DNAJC3: variants seen among roughly 807,000 people sequenced by gnomAD.
DNAJC3 encodes dnaJ homolog subfamily C member 3.
Under a neutral mutation model 68.6 loss-of-function variants are expected in DNAJC3, and 38 were observed. The ratio of observed to expected loss-of-function variants is 0.55; its 90% CI spans 0.43 to 0.73. The LOEUF (loss-of-function observed/expected upper bound fraction) is 0.73. DNAJC3 is among the 30% of genes least tolerant of loss of function. DNAJC3 has a pLI of 0.00. For missense variants in DNAJC3, 526 were observed against 591.9 expected, an observed-to-expected ratio of 0.89 and a Z score of 1.16; for synonymous variants, 203 against 204.0, an observed-to-expected ratio of 1.00 and a Z score of 0.04.
chr13:95,687,302 A>G (rs1283645333), intron 1 of DNAJC3, among the ~76,000 whole-genome samples: 1 of 152,168 alleles, frequency 6.6e-6, no homozygotes, highest in Non-Finnish European at 1.5e-5. Context: ...TAGGTAAAAA[A>G]ATCATATTTG....
rs1390824476 is a variant in DNAJC3 at position 95,791,150 on chromosome 13, G to T, written c.*120G>T. 2 of 1,169,520 alleles carry T rather than the reference G, an allele frequency of 1.7e-6. No individual in the cohort carries two copies. Among genetic ancestry groups the T allele is most frequent in the Non-Finnish European group, 2.4e-6 (2 of 831,696 alleles). 72.4% of individuals were successfully genotyped at this position (1,169,520 alleles called of 1,614,324 possible). On this transcript the variant is annotated 3_prime_UTR_variant, in exon 12 of 12. Transcript: ENST00000602402. ...TCAGTTTGTCCATGACCAAAGAGTT[G>T]CTTTAATAGGAAAAAATCTGTTCTT...
At position 95,677,158 on chromosome 13, in the gene DNAJC3, C is replaced by G. The variant is rs1159200004; in HGVS notation, c.-98C>G. The G allele has an allele frequency of 8.7e-7, 1 of 1,146,036 alleles. No individual in the cohort carries two copies. Among genetic ancestry groups the G allele is most frequent in the East Asian group, 2.8e-5 (1 of 35,146 alleles). 71.0% of individuals were successfully genotyped at this position (1,146,036 alleles called of 1,614,324 possible). ...GGCTCCAGAGCCACTGAGGCCTGAG[C>G]GAGAGCCGACGGCGGGCGGGCGCAG... On this transcript the variant is annotated 5_prime_UTR_variant, in exon 1 of 12. Transcript: ENST00000602402.
intron 1 of DNAJC3, 63 bp downstream of exon 1, chr13:95,677,400 G>T (rs1879787008): frequency 2.0e-6 from 3 of 1,491,440 alleles, no homozygotes; most frequent in South Asian, 1.2e-5. Context: ...GCGCTTTCCC[G>T]TCTGCGCCCG....
intron 9 of DNAJC3, among the ~76,000 whole-genome samples, chr13:95,769,618 G>C (rs557450536): frequency 2.6e-5 from 4 of 152,316 alleles, no homozygotes; most frequent in Admixed American, 2.0e-4. Flanking sequence ...TAGAATAAAT[G>C]GCTAGTCCTT....
chr13:95,754,524 T>C (rs1882591252), intron 4 of DNAJC3, among the ~76,000 whole-genome samples: 2 of 151,908 alleles, frequency 1.3e-5, no homozygotes, highest in African/African-American at 4.8e-5. Flanking sequence ...AAATTCAAAA[T>C]GCATCAAAGA....
chr13:95,753,956 A>G (rs1882570618), intron 4 of DNAJC3, among the ~76,000 whole-genome samples: 1 of 152,208 alleles, frequency 6.6e-6, no homozygotes, highest in Non-Finnish European at 1.5e-5. Context: ...CTGTTTGGAA[A>G]TATTCACAGC....
rs140953059 is a variant in DNAJC3, at chr13:95,783,714, G to A, written c.1076-2225G>A. Among the ~76,000 whole-genome samples the A allele has an allele frequency of 2.5e-3, 375 of 152,280 alleles. 1 individual carries two copies. The highest frequency in any genetic ancestry group is 5.8e-3 in the Admixed American group (88 of 15,304). On this transcript the variant is annotated intron_variant, in intron 9 of 11. Coordinates refer to ENST00000602402, the MANE Select transcript of DNAJC3 (RefSeq NM_006260.5). ...GGTGGTTCGTTTCTGTACGTAGTGT[G>A]TAGCCTGTCAAAATCTGTTAGTCTT...
At chr13:95,726,043 A>G (rs1375665250) in intron 4 of DNAJC3, among the ~76,000 whole-genome samples, 1 of 151,808 alleles carries the variant, frequency 6.6e-6, no homozygotes, top group Non-Finnish European at 1.5e-5. Flanking sequence ...CATGGTGTAT[A>G]TGTGCCACAT....
chr13:95,771,815 G>A (rs548224239), intron 9 of DNAJC3, among the ~76,000 whole-genome samples: 1 of 141,224 alleles, frequency 7.1e-6, no homozygotes, highest in South Asian at 2.2e-4. Context: ...AGGCAACTCT[G>A]TTCTGATTTT....
intron 4 of DNAJC3, among the ~76,000 whole-genome samples, chr13:95,746,901 G>C (rs1882321652): frequency 6.6e-6 from 1 of 152,134 alleles, no homozygotes; most frequent in Non-Finnish European, 1.5e-5. Flanking sequence ...CTGCATAAAA[G>C]TATCTCCTCA....
Position 95,683,476 on chromosome 13 carries a change from C to A in DNAJC3, c.82+6139C>A, listed in dbSNP as rs1019891319. Among the ~76,000 whole-genome samples, 7 of 152,162 alleles carry A rather than the reference C, an allele frequency of 4.6e-5. No homozygotes were observed. In the East Asian group the frequency reaches 1.2e-3, roughly 25 times the overall value. On this transcript the variant is annotated intron_variant, in intron 1 of 11. Transcript: ENST00000602402. ...GGTTGTTTAAAAGTGTGCAGTATCT[C>A]CCCCCTCTCTGTCTTCCTCCGGCTC...
chr13:95,730,957 G>A (rs1316402318), intron 4 of DNAJC3, among the ~76,000 whole-genome samples: 3 of 152,056 alleles, frequency 2.0e-5, no homozygotes, highest in African/African-American at 7.2e-5. Flanking sequence ...CTTACTATTT[G>A]TTTTTGTCTT....
At chr13:95,763,597 G>A in intron 7 of DNAJC3, 46 bp from the exon 8 acceptor site, 1 of 1,580,048 alleles carries the variant, frequency 6.3e-7, no homozygotes, top group Non-Finnish European at 8.7e-7. Context: ...TACAGCTCTG[G>A]AAATCAAATG....
intron 11 of DNAJC3, among the ~76,000 whole-genome samples, chr13:95,787,938 T>G (rs1883653047): frequency 6.6e-6 from 1 of 152,218 alleles, no homozygotes; most frequent in South Asian, 2.1e-4. Context: ...ACTGCTTTTT[T>G]GTGGCCTTCC....
intron 4 of DNAJC3, among the ~76,000 whole-genome samples, chr13:95,742,282 ATGGATG>A (rs1882169778): frequency 6.6e-6 from 1 of 152,162 alleles, no homozygotes; most frequent in South Asian, 2.1e-4. Context: ...ATGGGGCACA[ATGGATG>A]TGGAGATGCA....
At chr13:95,699,822 T>G (rs1880538730) in intron 1 of DNAJC3, among the ~76,000 whole-genome samples, 1 of 150,758 alleles carries the variant, frequency 6.6e-6, no homozygotes, top group African/African-American at 2.5e-5. Flanking sequence ...TTCTTTTTTC[T>G]TTTCTTTTTC....
At chr13:95,784,466 A>T (rs917580320) in intron 9 of DNAJC3, among the ~76,000 whole-genome samples, 1 of 151,992 alleles carries the variant, frequency 6.6e-6, no homozygotes, top group Non-Finnish European at 1.5e-5. Flanking sequence ...TCCAGTAATG[A>T]GAAATTCTAC....
intron 5 of DNAJC3, among the ~76,000 whole-genome samples, chr13:95,758,470 TAA>T (rs752653857): frequency 3.6e-4 from 49 of 134,614 alleles, no homozygotes; most frequent in Non-Finnish European, 3.7e-4. Flanking sequence ...ATCCTGTGTC[TAA>T]AAAAAAAAAA....
At chr13:95,739,717 A>AT (rs1438930082) in intron 4 of DNAJC3, among the ~76,000 whole-genome samples, 1 of 151,522 alleles carries the variant, frequency 6.6e-6, no homozygotes, top group Non-Finnish European at 1.5e-5. Flanking sequence ...ATTCTTCTAA[A>AT]TTTTTTTCAA....
Sources: gnomAD v4.1 joint callset for allele counts (sites outside exome capture counted in the v4.1 genomes callset) on GRCh38, gnomAD v4.1.1 for gene constraint, MANE v1.5 for transcripts, NCBI Gene and HGNC (gene_info 2026-07-23, HGNC 2026-07-21) for gene names.